LARP6: variants seen among roughly 807,000 people sequenced by gnomAD.
The protein encoded by LARP6 is La ribonucleoprotein 6, translational regulator, also known as la-related protein 6.
LARP6 carries 18 observed loss-of-function variants against 32.8 expected under a neutral mutation model. The observed-to-expected ratio is 0.55, with a 90% CI of 0.38 to 0.81. The LOEUF (loss-of-function observed/expected upper bound fraction) is 0.81, where lower values mean the gene tolerates loss of function less well. Ranked by LOEUF, LARP6 falls within the 40% of genes least tolerant of loss-of-function variation. The pLI is 0.00. For missense variants in LARP6, 598 were observed against 663.1 expected (o/e 0.90, Z 1.08); for synonymous variants, 289 against 267.2 (o/e 1.08, Z -0.80).
Position 70,839,743 on chromosome 15 carries a change from C to T in LARP6, c.201-3238G>A, listed in dbSNP as rs560155951. Among the ~76,000 whole-genome samples, 17 of 152,206 alleles carry T rather than the reference C, an allele frequency of 1.1e-4. 1 individual carries two copies. The East Asian group carries it at 3.3e-3, about 30-fold the overall frequency. ...GACTACAGGCGCCCACCACCACGCC[C>T]GGCTTTAATTGCCGTCTTTACTCTA... is the stretch of plus-strand genomic sequence containing the variant. On this transcript the variant is annotated intron_variant, in intron 1 of 2. Coordinates refer to ENST00000299213, the MANE Select transcript of LARP6 (RefSeq NM_018357.4).
chr15:70,834,907 C>A (rs540776173), intron 2 of LARP6, among the ~76,000 whole-genome samples: 14 of 152,328 alleles, frequency 9.2e-5, no homozygotes, highest in African/African-American at 3.1e-4. Context: ...AGGATCTTTG[C>A]TCTGATTTTG....
intron 1 of LARP6, chr15:70,851,571 A>G: frequency 3.2e-6 from 5 of 1,571,168 alleles, no homozygotes; most frequent in Non-Finnish European, 3.5e-6. Flanking sequence ...GGAAGGGGAA[A>G]CACAAATATC....
Position 70,854,068 on chromosome 15 carries a change from CT to C in LARP6, c.20del (p.Glu7GlyfsTer86). On this transcript the variant is annotated frameshift_variant, in exon 1 of 3. Transcript: ENST00000299213. LOFTEE classifies it high-confidence loss of function. MAQSGGEARPGPKTAVQ... is the reference protein window; with the variant it reads MAQSGGXARPGPKTAVQ... ...CCGCCGTCTTGGGCCCGGGCCGAGCCTCCCCGCCGGACTGGGCCATGGCTCG... is the reference window on the plus strand; with the variant it reads ...CCGCCGTCTTGGGCCCGGGCCGAGCCCCCCGCCGGACTGGGCCATGGCTCG... 7.3e-7 allele frequency: 1 copy of C among 1,377,316 alleles called. No homozygotes were observed. The highest frequency in any genetic ancestry group is 9.5e-7 in the Non-Finnish European group (1 of 1,057,244). 85.3% of individuals were successfully genotyped at this position (1,377,316 alleles called of 1,614,324 possible).
chr15:70,833,101 G>A lies in LARP6; in HGVS notation c.427C>T (p.Arg143Trp), dbSNP rs748559545. Residue 143 changes from arginine to tryptophan, a missense_variant, in exon 3 of 3, where the codon CGG becomes TGG. Transcript: ENST00000299213. ...TSFKKVKHLT[R>W]DWRTTAHALK... Reference sequence around the variant, plus strand: ...GCATGTGCTGTGGTTCTCCAGTCCCGTGTAAGATGTTTCACCTGCAGAACA... The same window carrying A: ...GCATGTGCTGTGGTTCTCCAGTCCCATGTAAGATGTTTCACCTGCAGAACA... The A allele has an allele frequency of 6.8e-6, 11 of 1,613,866 alleles. No individual in the cohort carries two copies. The highest frequency in any genetic ancestry group is 1.7e-4 in the Middle Eastern group (1 of 6,060).
intron 1 of LARP6, among the ~76,000 whole-genome samples, chr15:70,840,469 G>A (rs2032232808): frequency 1.3e-5 from 2 of 152,202 alleles, no homozygotes; most frequent in Admixed American, 1.3e-4. Flanking sequence ...GAACCCGGCG[G>A]GCGGAGGTTG....
intron 1 of LARP6, chr15:70,851,570 AAC>A (rs941167469): frequency 1.3e-6 from 2 of 1,569,850 alleles, no homozygotes; most frequent in African/African-American, 2.7e-5. Context: ...GGGAAGGGGA[AAC>A]ACAAATATCT....
chr15:70,835,476 G>C (rs1304785684), intron 2 of LARP6, among the ~76,000 whole-genome samples: 1 of 152,214 alleles, frequency 6.6e-6, no homozygotes, highest in Non-Finnish European at 1.5e-5. Flanking sequence ...AAGAGCGACA[G>C]GGCCAGGCAG....
In LARP6 at chr15:70,832,124, C is replaced by A; in HGVS notation, c.1404G>T (p.Val468=). 2 of 1,598,154 alleles carry A rather than the reference C, an allele frequency of 1.3e-6. No individual in the cohort carries two copies. Among genetic ancestry groups the A allele is most frequent in the South Asian group, 1.1e-5 (1 of 88,224 alleles). ...TGTCAGGACCCCTGGGCAACCTCAG[C>A]ACCCCTACGGGTAGCCCATCTGCAG... ...MQTADGLPVG[V]LRLPRGPDNT... is the part of the protein sequence containing the mutation. Residue 468 remains valine (V), a synonymous_variant, in exon 3 of 3, where the codon GTG becomes GTT. Coordinates refer to ENST00000299213, the MANE Select transcript of LARP6 (RefSeq NM_018357.4).
intron 2 of LARP6, among the ~76,000 whole-genome samples, chr15:70,836,075 T>C (rs1454291906): frequency 2.0e-5 from 3 of 152,228 alleles, no homozygotes; most frequent in Non-Finnish European, 4.4e-5. Flanking sequence ...TGCTGCCAGC[T>C]GAGATTTGTC....
At chr15:70,846,496 C>T (rs377253969) in intron 1 of LARP6, among the ~76,000 whole-genome samples, 2 of 151,954 alleles carry the variant, frequency 1.3e-5, no homozygotes, top group East Asian at 1.9e-4. Flanking sequence ...GTAGTCTAGG[C>T]TATTTGGGAG....
At chr15:70,841,494 A>G (rs1180197279) in intron 1 of LARP6, among the ~76,000 whole-genome samples, 2 of 152,134 alleles carry the variant, frequency 1.3e-5, no homozygotes, top group East Asian at 3.9e-4. Context: ...TATAGTTTGA[A>G]TGTATGTCTT....
chr15:70,835,626 C>T (rs559469467), intron 2 of LARP6, among the ~76,000 whole-genome samples: 6 of 152,288 alleles, frequency 3.9e-5, no homozygotes, highest in Admixed American at 6.5e-5. Flanking sequence ...TAGTGCTTTT[C>T]CATTCTAGTA....
chr15:70,846,204 T>C (rs1399983385), intron 1 of LARP6, among the ~76,000 whole-genome samples: 1 of 152,220 alleles, frequency 6.6e-6, no homozygotes, highest in African/African-American at 2.4e-5. Flanking sequence ...TGTGCCATAT[T>C]ACATGTTTTG....
At chr15:70,833,659 T>C (rs2032096369) in intron 2 of LARP6, among the ~76,000 whole-genome samples, 1 of 152,266 alleles carries the variant, frequency 6.6e-6, no homozygotes, top group Non-Finnish European at 1.5e-5. Context: ...GAGTACTAAG[T>C]AATCATGTGC....
chr15:70,853,949 G>A lies in LARP6; in HGVS notation c.140C>T (p.Ala47Val), dbSNP rs768329627. ...GAETRGAGDPARYLSPGWGSA... is the reference protein window; with the variant it reads ...GAETRGAGDPVRYLSPGWGSA... ...GCCCCAGCCGGGGCTGAGGTACCGG[G>A]CCGGGTCCCCGGCGCCCCGAGTCTC... The change falls in exon 1 of 3, where the codon GCC becomes GTC. Residue 47 changes from alanine to valine, a missense_variant. Ala to Val is a moderately conservative substitution (Grantham distance 64). This residue lies in a region of LARP6 where 161 missense variants were observed against 148.6 expected (regional missense o/e 1.08). Transcript: ENST00000299213. 1.3e-4 allele frequency: 194 copies of A among 1,449,206 alleles called. No homozygotes were observed. The highest frequency in any genetic ancestry group is 2.1e-4 in the Middle Eastern group (1 of 4,870). The allele number at this position is 1,449,206 out of a possible 1,614,324, so 89.8% of individuals were successfully genotyped here.
chr15:70,835,898 A>G (rs903696570), intron 2 of LARP6, among the ~76,000 whole-genome samples: 1 of 152,164 alleles, frequency 6.6e-6, no homozygotes, highest in African/African-American at 2.4e-5. Context: ...CCCTTTGCTT[A>G]TTCAACTTGA....
chr15:70,847,063 A>G (rs1203486092), intron 1 of LARP6, among the ~76,000 whole-genome samples: 1 of 152,208 alleles, frequency 6.6e-6, no homozygotes, highest in Non-Finnish European at 1.5e-5. Context: ...ATTACCCCAG[A>G]GCCTTGCATG....
chr15:70,842,636 G>A (rs1469898639), intron 1 of LARP6, among the ~76,000 whole-genome samples: 1 of 152,126 alleles, frequency 6.6e-6, no homozygotes, highest in Non-Finnish European at 1.5e-5. Flanking sequence ...TGAAGCCTGG[G>A]CCCATCAATA....
chr15:70,840,927 T>TTTC (rs2032243302), intron 1 of LARP6, among the ~76,000 whole-genome samples: 1 of 151,558 alleles, frequency 6.6e-6, no homozygotes, highest in Non-Finnish European at 1.5e-5. Flanking sequence ...TTTTTTTTTT[T>TTTC]TTAAGAGACA....
Sources: allele counts gnomAD v4.1 joint callset (sites outside exome capture counted in the v4.1 genomes callset), GRCh38; gene constraint gnomAD v4.1.1; regional missense constraint gnomAD v4.1.1; transcripts MANE v1.5; gene names NCBI Gene and HGNC (gene_info 2026-07-23, HGNC 2026-07-21).